The following MYO3B variants were observed in gnomAD, a reference collection of about 807,000 sequenced individuals.
MYO3B encodes the protein myosin IIIB, also known as myosin-IIIb.
In MYO3B, 156 loss-of-function variants were observed where a neutral mutation model predicts 174.6. The observed-to-expected ratio is 0.89, with a 90% CI of 0.78 to 1.02. The LOEUF is 1.02. Among genes scored for constraint, MYO3B ranks in the 50% least tolerant of loss-of-function variants. MYO3B has a pLI of 0.00. For missense variants in MYO3B, 1,632 were observed against 1,639.4 expected, an observed-to-expected ratio of 1.00 and a Z score of 0.08; for synonymous variants, 563 against 569.1, an observed-to-expected ratio of 0.99 and a Z score of 0.15.
intron 25 of MYO3B, among the ~76,000 whole-genome samples, chr2:170,477,275 A>G (rs756128242): frequency 4.6e-5 from 7 of 152,104 alleles, no homozygotes; most frequent in Non-Finnish European, 8.8e-5. Context: ...TCCCCAGTCC[A>G]GGCACCTTCT....
chr2:170,364,659 G>T (rs897163487), intron 8 of MYO3B, among the ~76,000 whole-genome samples: 1 of 152,096 alleles, frequency 6.6e-6, no homozygotes, highest in African/African-American at 2.4e-5. Flanking sequence ...CAGGTTAAAG[G>T]ATTCTATCTT....
intron 12 of MYO3B, among the ~76,000 whole-genome samples, chr2:170,385,421 G>T (rs1228431272): frequency 2.6e-5 from 4 of 152,078 alleles, no homozygotes; most frequent in Non-Finnish European, 1.5e-5. Context: ...TGTGAATAAC[G>T]AAAGATACTC....
intron 7 of MYO3B, among the ~76,000 whole-genome samples, chr2:170,248,219 G>A (rs764415100): frequency 1.8e-4 from 28 of 152,014 alleles, no homozygotes; most frequent in Non-Finnish European, 2.8e-4. Flanking sequence ...CCTTCCTTCC[G>A]GAAGGGTGAA....
At chr2:170,191,434 C>T (rs1200587216) in intron 1 of MYO3B, among the ~76,000 whole-genome samples, 1 of 152,022 alleles carries the variant, frequency 6.6e-6, no homozygotes, top group Non-Finnish European at 1.5e-5. Context: ...GCCTAGACTA[C>T]CTTTCAGATT....
intron 32 of MYO3B, among the ~76,000 whole-genome samples, chr2:170,620,990 G>A (rs1189965513): frequency 6.6e-6 from 1 of 151,994 alleles, no homozygotes; most frequent in Non-Finnish European, 1.5e-5. Context: ...CCGGGTTCAA[G>A]CGCTTCTCCT....
At chr2:170,618,074 A>G (rs992719903) in intron 32 of MYO3B, among the ~76,000 whole-genome samples, 3 of 152,202 alleles carry the variant, frequency 2.0e-5, no homozygotes, top group African/African-American at 7.2e-5. Flanking sequence ...CCAAGTTTGA[A>G]TATCTAATGA....
chr2:170,414,143 T>A (rs2094563414), intron 22 of MYO3B, among the ~76,000 whole-genome samples: 1 of 152,226 alleles, frequency 6.6e-6, no homozygotes, highest in South Asian at 2.1e-4. Flanking sequence ...GTTTCATTGA[T>A]CAAACTATCT....
chr2:170,340,587 A>G (rs1204853436), intron 8 of MYO3B: 4 of 152,246 alleles, frequency 2.6e-5, no homozygotes, highest in Non-Finnish European at 4.4e-5. Context: ...AACCGAGTGA[A>G]AACTACTTTT....
At chr2:170,289,289 T>C (rs1271474022) in intron 7 of MYO3B, among the ~76,000 whole-genome samples, 1 of 152,126 alleles carries the variant, frequency 6.6e-6, no homozygotes, top group African/African-American at 2.4e-5. Context: ...GTAAGATTGT[T>C]ACTGGTTATT....
chr2:170,200,388 G>T, intron 3 of MYO3B, 104 bp downstream of exon 3: 1 of 1,305,020 alleles, frequency 7.7e-7, no homozygotes, highest in South Asian at 1.6e-5. Context: ...TTGAGGAGTA[G>T]GTCCCTCCTG....
chr2:170,314,108 T>G (rs1028776906), intron 7 of MYO3B, among the ~76,000 whole-genome samples: 1 of 152,188 alleles, frequency 6.6e-6, no homozygotes, highest in Non-Finnish European at 1.5e-5. Context: ...CTGCTGGCCT[T>G]CTATTCCTGG....
At chr2:170,571,650 C>T (rs1451336694) in intron 32 of MYO3B, among the ~76,000 whole-genome samples, 1 of 152,110 alleles carries the variant, frequency 6.6e-6, no homozygotes, top group Non-Finnish European at 1.5e-5. Flanking sequence ...GAGAGGCTGT[C>T]ACTGTGGTCC....
rs1294114035 is a variant in MYO3B at position 170,519,558 on chromosome 2, A to ATG, written c.3575+18_3575+19insTG. On this transcript the variant is annotated intron_variant, in intron 30 of 34. Transcript: ENST00000408978. ...AAAAATGGGTGAGCATTATCTGCTAAGAGTTCCCTGTTGTAAACTCAGGTG... is the reference window on the plus strand; with the variant it reads ...AAAAATGGGTGAGCATTATCTGCTAATGGAGTTCCCTGTTGTAAACTCAGGTG... 13 of 1,595,760 alleles carry ATG rather than the reference A, an allele frequency of 8.1e-6. No individual in the cohort carries two copies. The highest frequency in any genetic ancestry group is 2.7e-5 in the African/African-American group (2 of 74,576).
chr2:170,425,466 A>T (rs934863), intron 22 of MYO3B, among the ~76,000 whole-genome samples: 13,844 of 152,238 alleles, frequency 0.091, 667 homozygotes, highest in Non-Finnish European at 0.11. Flanking sequence ...GTAAGGGAAG[A>T]CTGCTAAGAT....
chr2:170,645,344 T>C (rs1274363089), intron 32 of MYO3B, among the ~76,000 whole-genome samples: 4 of 151,608 alleles, frequency 2.6e-5, no homozygotes, highest in African/African-American at 9.7e-5. Flanking sequence ...CAGTGGTGGG[T>C]GCCTGTAATC....
intron 7 of MYO3B, 97 bp downstream of exon 7, chr2:170,236,233 C>T: frequency 6.8e-7 from 1 of 1,461,442 alleles, no homozygotes; most frequent in Non-Finnish European, 9.4e-7. Context: ...CTCTCCAAAC[C>T]TGACAAAGCC....
intron 18 of MYO3B, 125 bp downstream of exon 18, chr2:170,401,816 T>TTTTTTG: frequency 1.1e-6 from 1 of 943,506 alleles, no homozygotes. Context: ...TTTTTTTTTT[T>TTTTTTG]TGTGGAGTCA....
chr2:170,642,904 T>C (rs1446683642), intron 32 of MYO3B, among the ~76,000 whole-genome samples: 1 of 152,208 alleles, frequency 6.6e-6, no homozygotes, highest in African/African-American at 2.4e-5. Flanking sequence ...CATTTCTTCA[T>C]TTTTAAGGTG....
intron 32 of MYO3B, chr2:170,640,377 T>C (rs1426639719): frequency 1.3e-5 from 2 of 152,176 alleles, no homozygotes; most frequent in East Asian, 3.9e-4. Flanking sequence ...TATCTGTCAT[T>C]CTCACTACAA....
Sources: allele counts gnomAD v4.1 joint callset (sites outside exome capture counted in the v4.1 genomes callset), GRCh38; gene constraint gnomAD v4.1.1; transcripts MANE v1.5; gene names NCBI Gene and HGNC (gene_info 2026-07-23, HGNC 2026-07-21).